PDZRN4: variants seen among roughly 807,000 people sequenced by gnomAD.
PDZRN4 encodes the protein PDZ domain containing ring finger 4, also known as PDZ domain-containing RING finger protein 4.
A neutral mutation model predicts 99.0 loss-of-function variants in PDZRN4; 70 were observed. The observed-to-expected ratio is 0.71, with a 90% CI of 0.58 to 0.86. The LOEUF is 0.86. PDZRN4 is among the 40% of genes least tolerant of loss of function. PDZRN4 has a pLI of 0.00. For missense variants in PDZRN4, 1,474 were observed against 1,331.2 expected (o/e 1.11, Z -1.67); for synonymous variants, 551 against 501.6 (o/e 1.10, Z -1.32).
chr12:41,465,806 T>C (rs1489910293), intron 3 of PDZRN4, among the ~76,000 whole-genome samples: 1 of 152,246 alleles, frequency 6.6e-6, no homozygotes, highest in Non-Finnish European at 1.5e-5. Flanking sequence ...ACTGTTTATT[T>C]ATAGAGTTTC....
chr12:41,307,932 A>C (rs1318145896), intron 3 of PDZRN4, among the ~76,000 whole-genome samples: 1 of 152,138 alleles, frequency 6.6e-6, no homozygotes, highest in South Asian at 2.1e-4. Context: ...AAAAAACAAC[A>C]ACTTTATATA....
chr12:41,524,192 T>C (rs1938534070), intron 5 of PDZRN4, among the ~76,000 whole-genome samples: 1 of 152,124 alleles, frequency 6.6e-6, no homozygotes, highest in Admixed American at 6.6e-5. Flanking sequence ...AAAATAATAT[T>C]GAAATAAATT....
intron 3 of PDZRN4, among the ~76,000 whole-genome samples, chr12:41,284,092 T>C (rs1951406433): frequency 6.6e-6 from 1 of 152,230 alleles, no homozygotes; most frequent in Non-Finnish European, 1.5e-5. Flanking sequence ...GATGACATGA[T>C]TGTATATTTA....
chr12:41,374,388 T>C (rs758390787), intron 3 of PDZRN4, among the ~76,000 whole-genome samples: 4 of 152,104 alleles, frequency 2.6e-5, no homozygotes, highest in Non-Finnish European at 5.9e-5. Context: ...GTGCATGATC[T>C]GGTAATTGCT....
At chr12:41,394,549 A>T (rs941466329) in intron 3 of PDZRN4, among the ~76,000 whole-genome samples, 2 of 152,188 alleles carry the variant, frequency 1.3e-5, no homozygotes, top group Non-Finnish European at 2.9e-5. Context: ...GCAACATCTT[A>T]GCTGGCTCGG....
intron 3 of PDZRN4, among the ~76,000 whole-genome samples, chr12:41,255,430 TG>T (rs1207824276): frequency 2.0e-5 from 3 of 152,136 alleles, no homozygotes; most frequent in African/African-American, 7.2e-5. Flanking sequence ...TTGTTTTTTT[TG>T]TTTTGTTTTG....
chr12:41,217,581 A>G (rs898107747), intron 3 of PDZRN4, among the ~76,000 whole-genome samples: 2 of 152,098 alleles, frequency 1.3e-5, no homozygotes, highest in Non-Finnish European at 2.9e-5. Context: ...TTAAAAGTTT[A>G]TATTTGAAAC....
At chr12:41,237,656 G>A (rs577900802) in intron 3 of PDZRN4, among the ~76,000 whole-genome samples, 1 of 152,212 alleles carries the variant, frequency 6.6e-6, no homozygotes, top group South Asian at 2.1e-4. Context: ...AAGTTGTAAG[G>A]AAGGGGTCCA....
Position 41,409,086 on chromosome 12 carries a change from A to G in PDZRN4, c.844-97370A>G, listed in dbSNP as rs565683001. On this transcript the variant is annotated intron_variant, in intron 3 of 9. Transcript: ENST00000402685. ...GAGATTGATTATATTTCTAAATGTA[A>G]CAATAGAGATAAGAACTATGATAAG... Among the ~76,000 whole-genome samples the G allele has an allele frequency of 3.3e-5, 5 of 152,330 alleles. No individual in the cohort carries two copies. In the East Asian group the frequency reaches 7.7e-4, roughly 23 times the overall value.
chr12:41,422,709 C>G (rs10748305), intron 3 of PDZRN4, among the ~76,000 whole-genome samples: 1 of 151,512 alleles, frequency 6.6e-6, no homozygotes. Context: ...CAATCACCTT[C>G]CACCAGATCC....
intron 5 of PDZRN4, among the ~76,000 whole-genome samples, chr12:41,537,612 T>C (rs1443321393): frequency 2.0e-5 from 3 of 152,074 alleles, no homozygotes; most frequent in East Asian, 3.9e-4. Flanking sequence ...TCTGAGGAGT[T>C]TGGACTTCAG....
chr12:41,403,439 G>T (rs1246564463), intron 3 of PDZRN4, among the ~76,000 whole-genome samples: 1 of 152,148 alleles, frequency 6.6e-6, no homozygotes, highest in Non-Finnish European at 1.5e-5. Flanking sequence ...CATCGGGAAC[G>T]TGAGAGATGG....
Position 41,395,920 on chromosome 12 carries a change from C to T in PDZRN4, c.844-110536C>T, listed in dbSNP as rs186392182. Among the ~76,000 whole-genome samples the T allele has an allele frequency of 3.4e-3, 519 of 152,078 alleles. 2 individuals carry two copies. The highest frequency in any genetic ancestry group is 0.012 in the African/African-American group (483 of 41,502). On this transcript the variant is annotated intron_variant, in intron 3 of 9. Coordinates refer to ENST00000402685, the MANE Select transcript of PDZRN4 (RefSeq NM_001164595.2). ...TTTGAACCAAGTTTTCTTGGTAGTACCCTATGTTTAATATTTTCTCAGAAG... is the reference window on the plus strand; with the variant it reads ...TTTGAACCAAGTTTTCTTGGTAGTATCCTATGTTTAATATTTTCTCAGAAG...
At chr12:41,241,370 G>A (rs1044116878) in intron 3 of PDZRN4, among the ~76,000 whole-genome samples, 1 of 150,512 alleles carries the variant, frequency 6.6e-6, no homozygotes, top group African/African-American at 2.5e-5. Flanking sequence ...CTAGATTTTT[G>A]GATTTGTTAA....
At position 41,188,555 on chromosome 12, in the gene PDZRN4, G is replaced by C; in HGVS notation, c.100G>C (p.Gly34Arg). ...VLEEPLCTPC[G>R]HVFCASCLLP... ...TGAAGAGCCCCTGTGCACGCCGTGC[G>C]GGCACGTCTTCTGCGCCAGCTGCCT... The change falls in exon 1 of 10, where the codon GGG becomes CGG. Residue 34 changes from glycine to arginine, a missense_variant. By Grantham distance (125) the Gly-to-Arg change is moderately radical. Transcript: ENST00000402685. 1 of 1,558,832 alleles carries C rather than the reference G, an allele frequency of 6.4e-7. No individual in the cohort carries two copies. The highest frequency in any genetic ancestry group is 8.6e-7 in the Non-Finnish European group (1 of 1,159,910).
At chr12:41,509,947 C>T (rs1414712257) in intron 5 of PDZRN4, 34 bp downstream of exon 5, 1 of 1,020,526 alleles carries the variant, frequency 9.8e-7, no homozygotes, top group Non-Finnish European at 1.5e-6. Flanking sequence ...CACATTTCTT[C>T]ATGAAGTTAC....
intron 5 of PDZRN4, among the ~76,000 whole-genome samples, chr12:41,545,535 G>A (rs1348486989): frequency 6.6e-5 from 10 of 150,836 alleles, no homozygotes; most frequent in Non-Finnish European, 8.8e-5. Flanking sequence ...GTGTGTGTGT[G>A]TGTGTGTGTG....
chr12:41,302,762 T>C (rs1447308403), intron 3 of PDZRN4, among the ~76,000 whole-genome samples: 1 of 152,106 alleles, frequency 6.6e-6, no homozygotes, highest in Non-Finnish European at 1.5e-5. Context: ...TCTTAGTTTA[T>C]CAATTGTTAA....
At chr12:41,521,117 C>A (rs1317565686) in intron 5 of PDZRN4, among the ~76,000 whole-genome samples, 1 of 152,138 alleles carries the variant, frequency 6.6e-6, no homozygotes, top group Non-Finnish European at 1.5e-5. Flanking sequence ...ATTGACCAGT[C>A]TCTCAAATAT....
Sources: gnomAD v4.1 joint callset for allele counts (sites outside exome capture counted in the v4.1 genomes callset) on GRCh38, gnomAD v4.1.1 for gene constraint, MANE v1.5 for transcripts, NCBI Gene and HGNC (gene_info 2026-07-23, HGNC 2026-07-21) for gene names.